The following NEK7 variants were observed in gnomAD, a reference collection of about 807,000 sequenced individuals.
The protein encoded by NEK7 is serine/threonine-protein kinase Nek7.
Under a neutral mutation model 44.6 loss-of-function variants are expected in NEK7, and 18 were observed. That is an observed-to-expected ratio of 0.40 (90% CI 0.28 to 0.60). The LOEUF (loss-of-function observed/expected upper bound fraction) is 0.60, where lower values mean the gene tolerates loss of function less well. NEK7 is among the 20% of genes least tolerant of loss of function. The pLI is 0.38. For synonymous variants in NEK7, 130 were observed against 121.1 expected (o/e 1.07, Z -0.48); for missense variants, 256 against 366.5 (o/e 0.70, Z 2.46).
intron 1 of NEK7, among the ~76,000 whole-genome samples, chr1:198,184,623 G>C (rs2102751896): frequency 6.6e-6 from 1 of 152,072 alleles, no homozygotes; most frequent in Non-Finnish European, 1.5e-5. Flanking sequence ...AACAACCATG[G>C]CAACAACAGT....
chr1:198,212,629 G>A (rs1197004678), intron 1 of NEK7, among the ~76,000 whole-genome samples: 1 of 152,180 alleles, frequency 6.6e-6, no homozygotes, highest in Non-Finnish European at 1.5e-5. Flanking sequence ...CCCACACCTG[G>A]TTTTGCTCCT....
intron 9 of NEK7, among the ~76,000 whole-genome samples, chr1:198,317,118 A>G (rs1655393742): frequency 6.6e-6 from 1 of 152,380 alleles, no homozygotes; most frequent in African/African-American, 2.4e-5. Context: ...ATTCATAAAT[A>G]TAGTAAAGTA....
At chr1:198,205,025 T>C (rs1281958419) in intron 1 of NEK7, among the ~76,000 whole-genome samples, 1 of 152,130 alleles carries the variant, frequency 6.6e-6, no homozygotes, top group African/African-American at 2.4e-5. Context: ...CCTGCTACTG[T>C]TGCTGCTCCC....
chr1:198,159,544 A>G (rs1055779633), intron 1 of NEK7, among the ~76,000 whole-genome samples: 5 of 152,238 alleles, frequency 3.3e-5, no homozygotes, highest in African/African-American at 1.2e-4. Context: ...CGTTTTCACA[A>G]CTTCTTGGGA....
At chr1:198,301,748 G>C (rs542717529) in intron 9 of NEK7, among the ~76,000 whole-genome samples, 10 of 152,272 alleles carry the variant, frequency 6.6e-5, no homozygotes, top group Non-Finnish European at 1.5e-4. Flanking sequence ...ACAATGCTTT[G>C]AGTGAAAAAG....
At chr1:198,232,697 G>C (rs1666433852) in intron 2 of NEK7, 60 bp downstream of exon 2, 5 of 949,458 alleles carry the variant, frequency 5.3e-6, no homozygotes, top group Non-Finnish European at 8.3e-6. Flanking sequence ...ATATGTGTAA[G>C]AAAGTAGTAC....
chr1:198,271,813 C>T (rs1390960294), intron 5 of NEK7, among the ~76,000 whole-genome samples: 3 of 150,942 alleles, frequency 2.0e-5, no homozygotes, highest in Admixed American at 6.6e-5. Context: ...TAGAATTATT[C>T]TGAAGTCCTA....
intron 2 of NEK7, among the ~76,000 whole-genome samples, chr1:198,233,537 C>T (rs368582226): frequency 6.6e-5 from 10 of 151,972 alleles, no homozygotes; most frequent in South Asian, 2.1e-4. Flanking sequence ...TTTGTTTGGA[C>T]GGTATTTCTG....
chr1:198,219,593 T>C (rs1666028876), intron 1 of NEK7, among the ~76,000 whole-genome samples: 1 of 151,760 alleles, frequency 6.6e-6, no homozygotes, highest in South Asian at 2.1e-4. Context: ...GAAAAACTAC[T>C]TTTTGGGTAC....
chr1:198,285,696 A>G (rs533835872), intron 7 of NEK7, among the ~76,000 whole-genome samples: 23 of 152,230 alleles, frequency 1.5e-4, no homozygotes, highest in Admixed American at 7.2e-4. Context: ...TCAAAGGGAC[A>G]GGGAAATGTA....
chr1:198,272,952 G>T (rs1350799201), intron 5 of NEK7, among the ~76,000 whole-genome samples: 1 of 151,582 alleles, frequency 6.6e-6, no homozygotes, highest in Non-Finnish European at 1.5e-5. Flanking sequence ...TTTCCCTCAA[G>T]GTGTAATTGC....
intron 7 of NEK7, among the ~76,000 whole-genome samples, chr1:198,284,692 A>T (rs1475601896): frequency 6.6e-6 from 1 of 152,200 alleles, no homozygotes; most frequent in African/African-American, 2.4e-5. Flanking sequence ...AAATAAAAAC[A>T]TTCTGAACCA....
At chr1:198,237,959 A>G (rs1666582217) in intron 2 of NEK7, among the ~76,000 whole-genome samples, 1 of 152,162 alleles carries the variant, frequency 6.6e-6, no homozygotes, top group Non-Finnish European at 1.5e-5. Context: ...CTCTCTCCCT[A>G]GTCCCAGAGT....
intron 4 of NEK7, 78 bp downstream of exon 4, chr1:198,262,715 A>C: frequency 1.2e-6 from 1 of 844,252 alleles, no homozygotes; most frequent in South Asian, 1.8e-5. Flanking sequence ...ACTTAAACAC[A>C]AAAAGGTTTT....
At chr1:198,218,830 G>C (rs1210006253) in intron 1 of NEK7, among the ~76,000 whole-genome samples, 1 of 151,522 alleles carries the variant, frequency 6.6e-6, no homozygotes, top group Non-Finnish European at 1.5e-5. Flanking sequence ...TTATCATCAG[G>C]AAAATACAAA....
intron 9 of NEK7, among the ~76,000 whole-genome samples, chr1:198,308,061 G>A (rs1354143104): frequency 1.3e-5 from 2 of 152,018 alleles, no homozygotes. Flanking sequence ...ACTGTTGTGG[G>A]AGATTACAGT....
intron 8 of NEK7, 135 bp from the exon 9 acceptor site, chr1:198,296,992 C>G: frequency 1.8e-6 from 1 of 547,368 alleles, no homozygotes; most frequent in Non-Finnish European, 3.1e-6. Context: ...AGGGGATATT[C>G]ATAAAAATCA....
chr1:198,269,993 T>A (rs1341677241), intron 5 of NEK7, among the ~76,000 whole-genome samples: 1 of 152,102 alleles, frequency 6.6e-6, no homozygotes, highest in East Asian at 1.9e-4. Flanking sequence ...TTTTCTTTAT[T>A]GTAGTTAAAT....
At chr1:198,211,713 T>G (rs1015409750) in intron 1 of NEK7, among the ~76,000 whole-genome samples, 4 of 151,416 alleles carry the variant, frequency 2.6e-5, no homozygotes, top group African/African-American at 7.3e-5. Flanking sequence ...AAAAATGCAG[T>G]TTTTTTTTGG....
Sources: allele counts gnomAD v4.1 joint callset (sites outside exome capture counted in the v4.1 genomes callset), GRCh38; gene constraint gnomAD v4.1.1; transcripts MANE v1.5; gene names NCBI Gene and HGNC (gene_info 2026-07-23, HGNC 2026-07-21).